The following NID2 variants were observed in gnomAD, a reference collection of about 807,000 sequenced individuals.
NID2 encodes nidogen 2.
Under a neutral mutation model 145.4 loss-of-function variants are expected in NID2, and 83 were observed. The ratio of observed to expected loss-of-function variants is 0.57; its 90% CI spans 0.48 to 0.69. The LOEUF (loss-of-function observed/expected upper bound fraction) is 0.69. Among genes scored for constraint, NID2 ranks in the 30% least tolerant of loss-of-function variants. The pLI is 0.00. For missense variants in NID2, 1,807 were observed against 1,765.7 expected (o/e 1.02, Z -0.42); for synonymous variants, 739 against 701.3 (o/e 1.05, Z -0.85).
chr14:52,005,208 T>TGATAAATGTTTACAAGAA lies in NID2; in HGVS notation c.*260_*277dup, dbSNP rs1489383994. On this transcript the variant is annotated 3_prime_UTR_variant, in exon 22 of 22. Transcript: ENST00000216286. ...ATGAATTTGATCTTTTAAATATTAA[T>TGATAAATGTTTACAAGAA]GATAAATGTTTACAAGAAGTTGCTT... The TGATAAATGTTTACAAGAA allele has an allele frequency of 2.8e-5, 9 of 321,554 alleles. No homozygotes were observed. Among genetic ancestry groups the TGATAAATGTTTACAAGAA allele is most frequent in the Non-Finnish European group, 4.5e-5 (8 of 177,098 alleles). 19.9% of individuals were successfully genotyped at this position (321,554 alleles called of 1,614,324 possible).
At chr14:52,010,273 C>T (rs1183179694) in intron 18 of NID2, 1 of 152,250 alleles carries the variant, frequency 6.6e-6, no homozygotes, top group Non-Finnish European at 1.5e-5. Context: ...AGAAACTCCA[C>T]TTAAACATGG....
At position 52,019,314 on chromosome 14, in the gene NID2, G is replaced by T. The variant is rs774171455; in HGVS notation, c.2795-20C>A. 2.6e-6 allele frequency: 4 copies of T among 1,546,104 alleles called. No homozygotes were observed. The highest frequency in any genetic ancestry group is 3.5e-6 in the Non-Finnish European group (4 of 1,137,756). On this transcript the variant is annotated intron_variant, in intron 13 of 21. Coordinates refer to ENST00000216286, the MANE Select transcript of NID2 (RefSeq NM_007361.4). ...TGGAGTCTTCCAGGATCAAGGCAGA[G>T]GAAGACACAAAAGAGAAATAGAAGG...
intron 9 of NID2, among the ~76,000 whole-genome samples, chr14:52,029,992 C>G (rs1035398416): frequency 2.6e-5 from 4 of 152,108 alleles, no homozygotes; most frequent in African/African-American, 9.7e-5. Flanking sequence ...TCTATTATTT[C>G]CTGTGATTCT....
intron 12 of NID2, 177 bp from the exon 13 acceptor site, chr14:52,020,355 G>C: frequency 9.9e-7 from 1 of 1,014,694 alleles, no homozygotes; most frequent in Non-Finnish European, 1.4e-6. Context: ...TTAATAGAAA[G>C]GAAGAAAAAA....
At chr14:52,033,899 A>G (rs1891965727) in intron 9 of NID2, among the ~76,000 whole-genome samples, 1 of 152,240 alleles carries the variant, frequency 6.6e-6, no homozygotes, top group Middle Eastern at 3.4e-3. Flanking sequence ...TGCGTACTGG[A>G]GCCAGTGCCT....
intron 20 of NID2, 176 bp downstream of exon 20, chr14:52,006,361 A>T: frequency 1.5e-6 from 1 of 648,114 alleles, no homozygotes; most frequent in African/African-American, 1.8e-5. Context: ...GATTTCAAAA[A>T]CATGAAAGGA....
rs115936745 is a variant in NID2, at chr14:52,034,134, G to T, written c.2258-4444C>A. Among the ~76,000 whole-genome samples, 804 of 152,228 alleles carry T rather than the reference G, an allele frequency of 5.3e-3. 3 individuals carry two copies. Among genetic ancestry groups the T allele is most frequent in the African/African-American group, 0.018 (760 of 41,498 alleles). The stretch of plus-strand genomic sequence containing the variant: ...ATCCTTTGATATTATTATTTGACTG[G>T]GGTGGGAGGGAAAATCATAAAATTC... On this transcript the variant is annotated intron_variant, in intron 9 of 21. Coordinates refer to ENST00000216286, the MANE Select transcript of NID2 (RefSeq NM_007361.4).
rs553231109 is a variant in NID2, at chr14:52,010,630, C to G, written c.3722+246G>C. On this transcript the variant is annotated intron_variant, in intron 18 of 21. Coordinates refer to ENST00000216286, the MANE Select transcript of NID2 (RefSeq NM_007361.4). Reference sequence around the variant, plus strand: ...TATCTGAATTTTCTACATATCACATCACAGACTAATATTGTTTATACCAGT... The same window carrying G: ...TATCTGAATTTTCTACATATCACATGACAGACTAATATTGTTTATACCAGT... 86 of 395,044 alleles carry G rather than the reference C, an allele frequency of 2.2e-4. 2 individuals carry two copies. In the South Asian group the frequency reaches 2.8e-3, roughly 13 times the overall value. 24.5% of individuals were successfully genotyped at this position (395,044 alleles called of 1,614,324 possible).
chr14:52,038,681 G>A, intron 9 of NID2, 66 bp downstream of exon 9: 3 of 1,299,028 alleles, frequency 2.3e-6, no homozygotes, highest in Non-Finnish European at 3.2e-6. Context: ...AGTAACCTCT[G>A]TGAATCATTC....
At chr14:52,032,575 C>T (rs1158283557) in intron 9 of NID2, among the ~76,000 whole-genome samples, 2 of 115,846 alleles carry the variant, frequency 1.7e-5, no homozygotes, top group African/African-American at 2.8e-5. Flanking sequence ...AAGACAAGAA[C>T]GTGATCATCT....
intron 7 of NID2, 21 bp from the exon 8 acceptor site, chr14:52,040,872 G>T: frequency 6.2e-7 from 1 of 1,609,824 alleles, no homozygotes; most frequent in Non-Finnish European, 8.5e-7. Context: ...AAAACATTCA[G>T]CACAGGGATG....
At chr14:52,067,666 C>T (rs7145168) in intron 2 of NID2, among the ~76,000 whole-genome samples, 192 bp downstream of exon 2, 4,646 of 152,258 alleles carry the variant, frequency 0.031, 213 homozygotes, top group African/African-American at 0.11. Flanking sequence ...GACCACCTGC[C>T]AGGGCCTCAG....
chr14:52,024,551 C>A (rs911634506), intron 12 of NID2, among the ~76,000 whole-genome samples: 1 of 152,162 alleles, frequency 6.6e-6, no homozygotes. Flanking sequence ...GATCCTAAAG[C>A]ACAGGACCCA....
chr14:52,051,868 G>T (rs560315321), intron 5 of NID2, among the ~76,000 whole-genome samples: 1 of 152,186 alleles, frequency 6.6e-6, no homozygotes, highest in South Asian at 2.1e-4. Flanking sequence ...CATAGTTCAT[G>T]CCCCACAAGG....
intron 5 of NID2, among the ~76,000 whole-genome samples, chr14:52,047,960 C>G (rs1480928588): frequency 6.6e-6 from 1 of 152,126 alleles, no homozygotes; most frequent in African/African-American, 2.4e-5. Context: ...CACCTTAGAC[C>G]TACCAGTTCC....
rs59908743 is a variant in NID2, at chr14:52,065,456, CTTT to C, written c.534+2399_534+2401del. Among the ~76,000 whole-genome samples, 132 of 128,668 alleles carry C rather than the reference CTTT, an allele frequency of 1.0e-3. 1 individual carries two copies. The highest frequency in any genetic ancestry group is 3.5e-3 in the African/African-American group (123 of 34,860). The allele number at this position is 128,668 out of a possible 152,430, so 84.4% of individuals were successfully genotyped here. ...CCCTATCCAAACAGAATCCTCCTTT[CTTT>C]TTTTTTTTTTTTCCCCTTTCTTTTT... On this transcript the variant is annotated intron_variant, in intron 2 of 21. Transcript: ENST00000216286.
At chr14:52,035,856 G>GTGTATA (rs763855059) in intron 9 of NID2, among the ~76,000 whole-genome samples, 1 of 65,284 alleles carries the variant, frequency 1.5e-5, no homozygotes, top group African/African-American at 4.7e-5. Flanking sequence ...ATTTTTTTGT[G>GTGTATA]TATATATATA....
intron 2 of NID2, among the ~76,000 whole-genome samples, chr14:52,066,843 A>C (rs947410137): frequency 2.6e-5 from 4 of 152,214 alleles, no homozygotes; most frequent in Non-Finnish European, 1.5e-5. Flanking sequence ...GGAATGAGGC[A>C]GTTTGCCATT....
chr14:52,036,600 C>A (rs913370288), intron 9 of NID2, among the ~76,000 whole-genome samples: 1 of 152,130 alleles, frequency 6.6e-6, no homozygotes, highest in Non-Finnish European at 1.5e-5. Context: ...TCACAGTAGC[C>A]ACATCATTTT....
Sources: gnomAD v4.1 joint callset for allele counts (sites outside exome capture counted in the v4.1 genomes callset) on GRCh38, gnomAD v4.1.1 for gene constraint, MANE v1.5 for transcripts, NCBI Gene and HGNC (gene_info 2026-07-23, HGNC 2026-07-21) for gene names.